The following TTLL1 variants were observed in gnomAD, a reference collection of about 807,000 sequenced individuals.
The protein encoded by TTLL1 is polyglutamylase complex subunit TTLL1.
Under a neutral mutation model 47.8 loss-of-function variants are expected in TTLL1, and 33 were observed. The observed-to-expected ratio is 0.69, with a 90% CI of 0.52 to 0.92. The LOEUF is 0.92. Among genes scored for constraint, TTLL1 ranks in the 40% least tolerant of loss-of-function variants. The pLI is 0.00. For synonymous variants in TTLL1, 225 were observed against 214.1 expected, an observed-to-expected ratio of 1.05 and a Z score of -0.45; for missense variants, 488 against 547.5, an observed-to-expected ratio of 0.89 and a Z score of 1.08.
chr22:43,070,583 G>A (rs1928053851), intron 3 of TTLL1, among the ~76,000 whole-genome samples: 1 of 152,150 alleles, frequency 6.6e-6, no homozygotes. Flanking sequence ...CCCCCGAAGG[G>A]TTGCTGTGGA....
At chr22:43,070,071 G>T in intron 3 of TTLL1, 2 of 1,217,584 alleles carry the variant, frequency 1.6e-6, no homozygotes, top group Non-Finnish European at 2.3e-6. Context: ...CTGATTCTGA[G>T]CTGTTTCCCT....
chr22:43,046,066 C>A (rs191611642), intron 10 of TTLL1, among the ~76,000 whole-genome samples: 1 of 152,006 alleles, frequency 6.6e-6, no homozygotes, highest in Non-Finnish European at 1.5e-5. Flanking sequence ...ACTAAAAATA[C>A]AAAAATTAGC....
At chr22:43,066,529 A>G (rs1927747927) in intron 5 of TTLL1, among the ~76,000 whole-genome samples, 1 of 151,246 alleles carries the variant, frequency 6.6e-6, no homozygotes. Flanking sequence ...TTTGAGATCA[A>G]CCTGGGCAAC....
intron 8 of TTLL1, 200 bp from the exon 9 acceptor site, chr22:43,052,087 T>C (rs180812381): frequency 8.6e-6 from 5 of 584,466 alleles, no homozygotes; most frequent in South Asian, 1.9e-5. Flanking sequence ...CTCAGCCTGA[T>C]AGAGGGAATT....
At chr22:43,065,542 G>A (rs1051019305) in intron 5 of TTLL1, among the ~76,000 whole-genome samples, 3 of 151,678 alleles carry the variant, frequency 2.0e-5, no homozygotes, top group Admixed American at 6.6e-5. Flanking sequence ...CGCCTGCCTT[G>A]GCCTCCCAAA....
chr22:43,068,507 T>G lies in TTLL1; in HGVS notation c.406A>C (p.Ile136Leu). The G allele has an allele frequency of 1.9e-6, 3 of 1,577,422 alleles. No individual in the cohort carries two copies. Among genetic ancestry groups the G allele is most frequent in the Non-Finnish European group, 2.6e-6 (3 of 1,153,242 alleles). Residue 136 changes from isoleucine (I) to leucine (L), a missense_variant, in exon 5 of 11, where the codon ATC becomes CTC. By Grantham distance (5) the Ile-to-Leu change is conservative (BLOSUM62 2). Transcript: ENST00000266254. ...EFRKSPSSTW[I>L]MKPCGKAQGK... is the part of the protein sequence containing the mutation. The stretch of plus-strand genomic sequence containing the variant: ...TGGGCCTTGCCACAAGGCTTCATGA[T>G]CCAGGTGCTGGACGGGCTCTTCCGG...
intron 8 of TTLL1, among the ~76,000 whole-genome samples, chr22:43,053,891 A>G (rs1355545311): frequency 4.6e-5 from 7 of 152,174 alleles, no homozygotes; most frequent in South Asian, 2.1e-4. Flanking sequence ...CTTTTTCTCA[A>G]AGATCTACCA....
At chr22:43,052,572 C>G (rs941029462) in intron 8 of TTLL1, among the ~76,000 whole-genome samples, 10 of 151,650 alleles carry the variant, frequency 6.6e-5, no homozygotes, top group African/African-American at 2.4e-4. Flanking sequence ...AGACCCCCGC[C>G]TCTACAAAAA....
At position 43,074,578 on chromosome 22, in the gene TTLL1, C is replaced by T. The variant is rs534220948; in HGVS notation, c.113+896G>A. ...TCCGAAGGCTGGGTACAGTGGCTCA[C>T]GCCTGTAATCCCAACACTTTGGGAG... On this transcript the variant is annotated intron_variant, in intron 3 of 10. Coordinates refer to ENST00000266254, the MANE Select transcript of TTLL1 (RefSeq NM_012263.5). 9.3e-4 allele frequency among the ~76,000 whole-genome samples: 142 copies of T among 152,180 alleles called. 1 individual carries two copies. The highest frequency in any genetic ancestry group is 3.2e-3 in the African/African-American group (132 of 41,522).
chr22:43,059,656 TC>T, intron 7 of TTLL1, 129 bp from the exon 8 acceptor site: 1 of 1,204,848 alleles, frequency 8.3e-7, no homozygotes, highest in Non-Finnish European at 1.1e-6. Context: ...AAGGCAAACA[TC>T]CAGACCCCTG....
chr22:43,048,625 C>T (rs1926348991), intron 9 of TTLL1, among the ~76,000 whole-genome samples: 4 of 150,004 alleles, frequency 2.7e-5, no homozygotes, highest in South Asian at 2.1e-4. Context: ...GAACACAGAG[C>T]GAGACTTGGT....
chr22:43,063,815 C>A lies in TTLL1; in HGVS notation c.745G>T (p.Gly249Trp). The A allele has an allele frequency of 1.2e-6, 2 of 1,613,588 alleles. No homozygotes were observed. The highest frequency in any genetic ancestry group is 2.2e-5 in the East Asian group (1 of 44,876). Residue 249 changes from glycine (G) to tryptophan (W), a missense_variant and splice_region_variant, in exon 7 of 11, where the codon GGG becomes TGG. Physicochemically the swap from Gly to Trp is radical, Grantham distance 184. Coordinates refer to ENST00000266254, the MANE Select transcript of TTLL1 (RefSeq NM_012263.5). Reference sequence around the variant, plus strand: ...CACAAATGAAAGGACACACTCACCCCGTGTTTCTGGATGGCGACGTTGGTG... The same window carrying A: ...CACAAATGAAAGGACACACTCACCCAGTGTTTCTGGATGGCGACGTTGGTG... ...HLTNVAIQKH[G>W]EDYNHIHGGK...
chr22:43,084,489 C>T (rs986552120), intron 1 of TTLL1, among the ~76,000 whole-genome samples: 2 of 150,194 alleles, frequency 1.3e-5, no homozygotes, highest in Non-Finnish European at 3.0e-5. Flanking sequence ...AGGCTCCCCA[C>T]CTGCTTTTTC....
At chr22:43,079,131 T>A (rs8138226) in intron 2 of TTLL1, among the ~76,000 whole-genome samples, 2 of 45,286 alleles carry the variant, frequency 4.4e-5, no homozygotes, top group South Asian at 9.4e-4. Context: ...ACGGGGACCA[T>A]GGGAGCCGCA....
chr22:43,063,504 T>C (rs1206653062), intron 7 of TTLL1, among the ~76,000 whole-genome samples: 1 of 151,688 alleles, frequency 6.6e-6, no homozygotes, highest in Non-Finnish European at 1.5e-5. Flanking sequence ...CTCGCTCAGT[T>C]GTCCAGGCTG....
chr22:43,086,015 C>A (rs1018420287), intron 1 of TTLL1, among the ~76,000 whole-genome samples: 1 of 152,170 alleles, frequency 6.6e-6, no homozygotes, highest in African/African-American at 2.4e-5. Context: ...CGGGCCACGC[C>A]CCACAGTGTG....
intron 1 of TTLL1, among the ~76,000 whole-genome samples, chr22:43,088,754 A>G (rs1929418475): frequency 6.6e-6 from 1 of 152,192 alleles, no homozygotes; most frequent in East Asian, 1.9e-4. Context: ...ATGATAAGAT[A>G]CTTTCACTTC....
At chr22:43,085,643 C>T (rs115008421) in intron 1 of TTLL1, among the ~76,000 whole-genome samples, 5 of 152,312 alleles carry the variant, frequency 3.3e-5, no homozygotes, top group South Asian at 2.1e-4. Context: ...TCAATTAAAC[C>T]TCTTCCTTTT....
chr22:43,086,535 G>C (rs1004594757), intron 1 of TTLL1, among the ~76,000 whole-genome samples: 3 of 152,160 alleles, frequency 2.0e-5, no homozygotes, highest in African/African-American at 7.2e-5. Flanking sequence ...CTCAGTGCCA[G>C]GCCTGTAACA....
Sources: gnomAD v4.1 joint callset for allele counts (sites outside exome capture counted in the v4.1 genomes callset) on GRCh38, gnomAD v4.1.1 for gene constraint, MANE v1.5 for transcripts, NCBI Gene and HGNC (gene_info 2026-07-23, HGNC 2026-07-21) for gene names.